Variants in ELP4 observed in about 807,000 individuals in gnomAD.
The protein encoded by ELP4 is elongator acetyltransferase complex subunit 4, also known as elongator complex protein 4.
Under a neutral mutation model 48.9 loss-of-function variants are expected in ELP4, and 51 were observed. The ratio of observed to expected loss-of-function variants is 1.04; its 90% CI spans 0.83 to 1.32. The LOEUF (loss-of-function observed/expected upper bound fraction) is 1.32. Ranked by LOEUF, ELP4 falls within the 40% of genes most tolerant of loss-of-function variation. The probability of loss-of-function intolerance (pLI) is 0.00; values close to 1 mark genes in which losing one functional copy is unlikely to be tolerated. For missense variants in ELP4, 519 were observed against 514.6 expected, an observed-to-expected ratio of 1.01 and a Z score of -0.08; for synonymous variants, 210 against 189.2, an observed-to-expected ratio of 1.11 and a Z score of -0.90.
chr11:31,747,751 A>T (rs1947629031), intron 9 of ELP4, among the ~76,000 whole-genome samples: 1 of 152,238 alleles, frequency 6.6e-6, no homozygotes, highest in African/African-American at 2.4e-5. Flanking sequence ...ATAAAATGTC[A>T]CAAGGACAAA....
intron 9 of ELP4, among the ~76,000 whole-genome samples, chr11:31,680,464 T>G (rs574528572): frequency 6.6e-6 from 1 of 152,178 alleles, no homozygotes; most frequent in Non-Finnish European, 1.5e-5. Flanking sequence ...CCCCAGTGGT[T>G]TCACAGAAGA....
Position 31,513,692 on chromosome 11 carries a change from G to A in ELP4, c.223+3685G>A, listed in dbSNP as rs865792517. Among the ~76,000 whole-genome samples, 2 of 152,136 alleles carry A rather than the reference G, an allele frequency of 1.3e-5. 1 individual carries two copies. Among genetic ancestry groups the A allele is most frequent in the African/African-American group, 4.8e-5 (2 of 41,512 alleles). On this transcript the variant is annotated intron_variant, in intron 1 of 9. Transcript: ENST00000640961. ...TAGCTTAGTCAGAGGTTTCTATTGGGGAGAGTATGGGGATTGAATGTTGTT... is the reference window on the plus strand; with the variant it reads ...TAGCTTAGTCAGAGGTTTCTATTGGAGAGAGTATGGGGATTGAATGTTGTT...
At chr11:31,689,144 T>C (rs893665308) in intron 9 of ELP4, 8 of 152,144 alleles carry the variant, frequency 5.3e-5, no homozygotes, top group African/African-American at 1.7e-4. Flanking sequence ...GCCTTTAGCT[T>C]CAATAGGTTC....
chr11:31,580,318 G>C (rs184582319), intron 3 of ELP4, among the ~76,000 whole-genome samples: 83 of 152,274 alleles, frequency 5.5e-4, no homozygotes, highest in African/African-American at 1.9e-3. Context: ...TTTGAGACTT[G>C]ATAACTTAAT....
At chr11:31,778,824 A>T (rs779750119) in intron 9 of ELP4, among the ~76,000 whole-genome samples, 20 of 152,274 alleles carry the variant, frequency 1.3e-4, no homozygotes, top group Non-Finnish European at 2.2e-4. Flanking sequence ...GTTCTAAGGT[A>T]TTTATAAGTT....
chr11:31,618,571 A>T (rs1451130246), intron 5 of ELP4, among the ~76,000 whole-genome samples: 1 of 152,080 alleles, frequency 6.6e-6, no homozygotes, highest in Admixed American at 6.6e-5. Context: ...ATACGGTAAC[A>T]ATGGCAACTA....
At chr11:31,703,882 C>A (rs1436782167) in intron 9 of ELP4, among the ~76,000 whole-genome samples, 1 of 152,070 alleles carries the variant, frequency 6.6e-6, no homozygotes, top group Non-Finnish European at 1.5e-5. Flanking sequence ...AAATAGAAAT[C>A]ATTTGAAACT....
At chr11:31,697,514 C>A (rs1946435576) in intron 9 of ELP4, among the ~76,000 whole-genome samples, 2 of 151,894 alleles carry the variant, frequency 1.3e-5, no homozygotes, top group Admixed American at 1.3e-4. Context: ...GAAAAACGGG[C>A]CACCTCCTTC....
intron 2 of ELP4, among the ~76,000 whole-genome samples, chr11:31,537,276 C>CA (rs1004332308): frequency 2.6e-5 from 4 of 151,798 alleles, no homozygotes; most frequent in Non-Finnish European, 4.4e-5. Context: ...CCATTTGTTA[C>CA]AAAAAAAATT....
At chr11:31,629,764 AT>A (rs60923235) in intron 6 of ELP4, among the ~76,000 whole-genome samples, 74,003 of 132,864 alleles carry the variant, frequency 0.56, 21,293 homozygotes, top group Non-Finnish European at 0.68. Flanking sequence ...TACTATCTAG[AT>A]TTTTTTTTTT....
chr11:31,683,566 A>C (rs974934446), intron 9 of ELP4, among the ~76,000 whole-genome samples: 2 of 152,170 alleles, frequency 1.3e-5, no homozygotes, highest in Admixed American at 1.3e-4. Context: ...TAAATCCATC[A>C]TCATTTCTGC....
intron 3 of ELP4, among the ~76,000 whole-genome samples, chr11:31,587,919 A>G (rs1565068067): frequency 6.6e-6 from 1 of 152,130 alleles, no homozygotes; most frequent in East Asian, 1.9e-4. Flanking sequence ...ATGCACAAAT[A>G]TTTTTTGTAA....
chr11:31,712,472 C>T (rs945688779), intron 9 of ELP4, among the ~76,000 whole-genome samples: 8 of 152,012 alleles, frequency 5.3e-5, no homozygotes, highest in South Asian at 2.1e-4. Context: ...TTTTCTACAT[C>T]CCCCAAAATG....
chr11:31,670,490 A>C (rs997363978), intron 9 of ELP4, among the ~76,000 whole-genome samples: 1 of 152,150 alleles, frequency 6.6e-6, no homozygotes, highest in African/African-American at 2.4e-5. Context: ...CCTTTAGAAG[A>C]TTTGCAGCCA....
intron 3 of ELP4, among the ~76,000 whole-genome samples, chr11:31,546,237 C>T (rs1230063535): frequency 6.6e-6 from 1 of 151,844 alleles, no homozygotes; most frequent in African/African-American, 2.4e-5. Flanking sequence ...ATTCAGGAAA[C>T]CCATCTCACA....
chr11:31,727,991 C>T (rs1171928627), intron 9 of ELP4: 1 of 152,016 alleles, frequency 6.6e-6, no homozygotes, highest in African/African-American at 2.4e-5. Flanking sequence ...TCATCTATCT[C>T]AAAGATAAAG....
chr11:31,551,066 A>G (rs1437063606), intron 3 of ELP4, among the ~76,000 whole-genome samples: 1 of 152,172 alleles, frequency 6.6e-6, no homozygotes, highest in African/African-American at 2.4e-5. Context: ...TTCCATTGAA[A>G]GCTCTGCTCT....
chr11:31,665,353 GCT>G (rs948976365), intron 9 of ELP4, among the ~76,000 whole-genome samples: 2 of 151,312 alleles, frequency 1.3e-5, no homozygotes, highest in African/African-American at 2.4e-5. Flanking sequence ...TCTCCCTCTC[GCT>G]CTCTCTCTCT....
chr11:31,612,949 G>A (rs1307632805), intron 5 of ELP4, among the ~76,000 whole-genome samples: 1 of 152,264 alleles, frequency 6.6e-6, no homozygotes, highest in African/African-American at 2.4e-5. Context: ...CCAACCAAAT[G>A]TCCCAAATAT....
Sources: allele counts gnomAD v4.1 joint callset (sites outside exome capture counted in the v4.1 genomes callset), GRCh38; gene constraint gnomAD v4.1.1; transcripts MANE v1.5; gene names NCBI Gene and HGNC (gene_info 2026-07-23, HGNC 2026-07-21).